ALDH3A1: variants seen among roughly 807,000 people sequenced by gnomAD.
The protein encoded by ALDH3A1 is aldehyde dehydrogenase, dimeric NADP-preferring.
Under a neutral mutation model 49.9 loss-of-function variants are expected in ALDH3A1, and 46 were observed. The observed-to-expected ratio is 0.92, with a 90% CI of 0.73 to 1.18. The LOEUF (loss-of-function observed/expected upper bound fraction) is 1.18, where lower values mean the gene tolerates loss of function less well. ALDH3A1 is among the 50% of genes most tolerant of loss of function. ALDH3A1 has a pLI of 0.00. For missense variants in ALDH3A1, 592 were observed against 611.8 expected (o/e 0.97, Z 0.34); for synonymous variants, 269 against 253.3 (o/e 1.06, Z -0.59).
chr17:19,742,154 C>T lies in ALDH3A1; in HGVS notation c.539G>A (p.Arg180Lys). Residue 180 changes from arginine to lysine, a missense_variant, in exon 5 of 11, where the codon AGG becomes AAG. Arg to Lys is a conservative substitution (Grantham distance 26, BLOSUM62 2). Coordinates refer to ENST00000225740, the MANE Select transcript of ALDH3A1 (RefSeq NM_000691.5). ...VPETTELLKERFDHILYTGST... is the reference protein window; with the variant it reads ...VPETTELLKEKFDHILYTGST... ...GCCCGTGTACAGGATATGGTCGAAC[C>T]TCTCCTTGAGCAGCTCCGTGGTCTC... is the stretch of plus-strand genomic sequence containing the variant. The T allele has an allele frequency of 6.2e-7, 1 of 1,614,096 alleles. No homozygotes were observed. Among genetic ancestry groups the T allele is most frequent in the Non-Finnish European group, 8.5e-7 (1 of 1,180,022 alleles).
chr17:19,742,480 C>A lies in ALDH3A1; in HGVS notation c.480+65G>T, dbSNP rs929179782. The A allele has an allele frequency of 9.5e-5, 146 of 1,541,518 alleles. 1 individual carries two copies. The highest frequency in any genetic ancestry group is 5.2e-4 in the Middle Eastern group (3 of 5,738). On this transcript the variant is annotated intron_variant, in intron 4 of 10. Transcript: ENST00000225740. ...GCAAGAATTCACTATTTCTCACCCCCCAAAGACCTGGCCCTAGCTCAGTTA... is the reference window on the plus strand; with the variant it reads ...GCAAGAATTCACTATTTCTCACCCCACAAAGACCTGGCCCTAGCTCAGTTA...
chr17:19,747,095 T>TCC (rs2086611142), intron 1 of ALDH3A1, among the ~76,000 whole-genome samples: 1 of 152,120 alleles, frequency 6.6e-6, no homozygotes, highest in Non-Finnish European at 1.5e-5. Context: ...ACTTTTAACA[T>TCC]CAGCAGAAAT....
Position 19,743,083 on chromosome 17 carries a change from A to G in ALDH3A1, c.394+149T>C. Reference sequence around the variant, plus strand: ...CCTCAGGCACCAAGAGGCCTGGCTAAACAGCTTGGTCCCCACAGCCTCCTG... The same window carrying G: ...CCTCAGGCACCAAGAGGCCTGGCTAGACAGCTTGGTCCCCACAGCCTCCTG... On this transcript the variant is annotated intron_variant, in intron 3 of 10. Transcript: ENST00000225740. The surrounding 1 kb of genome is among the most constrained non-coding windows in gnomAD (Gnocchi z 4.4). The G allele has an allele frequency of 1.3e-6, 2 of 1,535,160 alleles. No homozygotes were observed. Among genetic ancestry groups the G allele is most frequent in the Non-Finnish European group, 1.7e-6 (2 of 1,146,616 alleles).
At chr17:19,739,716 C>T (rs2086456737) in intron 7 of ALDH3A1, 42 bp from the exon 8 acceptor site, 1 of 1,603,044 alleles carries the variant, frequency 6.2e-7, no homozygotes, top group Admixed American at 1.7e-5. Flanking sequence ...CGCAGAGACC[C>T]CCACGCGGAT....
In ALDH3A1 at chr17:19,739,046, T is replaced by C. The variant is rs1163204671; in HGVS notation, c.1166A>G (p.Asn389Ser). 14 of 1,613,832 alleles carry C rather than the reference T, an allele frequency of 8.7e-6. No homozygotes were observed. The highest frequency in any genetic ancestry group is 9.3e-6 in the Non-Finnish European group (11 of 1,180,000). Residue 389 changes from asparagine (N) to serine (S), a missense_variant, in exon 9 of 11, where the codon AAC becomes AGC. Transcript: ENST00000225740. ...CAAGGTGATGTGGACGATGACATCG[T>C]TGGCCGCCACCCCACCACTGGATGT... is the stretch of plus-strand genomic sequence containing the variant. Reference protein sequence around the residue: ...AETSSGGVAANDVIVHITLHS... With the variant: ...AETSSGGVAASDVIVHITLHS...
At chr17:19,738,258 G>T in intron 10 of ALDH3A1, 23 bp from the exon 11 acceptor site, 3 of 1,614,038 alleles carry the variant, frequency 1.9e-6, no homozygotes, top group Non-Finnish European at 2.5e-6. Context: ...CACGGAGTGG[G>T]CAGTGATCCC....
intron 2 of ALDH3A1, 153 bp downstream of exon 2, chr17:19,744,815 G>C (rs527559266): frequency 3.7e-6 from 5 of 1,359,506 alleles, no homozygotes; most frequent in Non-Finnish European, 4.7e-6. Flanking sequence ...CGCGGCGGAG[G>C]GGAGGGCGGT....
At chr17:19,742,986 GC>G (rs1485021940) in intron 3 of ALDH3A1, 2 of 1,529,626 alleles carry the variant, frequency 1.3e-6, no homozygotes, top group East Asian at 5.0e-5. Context: ...AGAAGCTCCA[GC>G]CCCCCAACAG....
intron 5 of ALDH3A1, 35 bp from the exon 6 acceptor site, chr17:19,741,245 G>C: frequency 6.3e-7 from 1 of 1,590,482 alleles, no homozygotes; most frequent in Non-Finnish European, 8.6e-7. Flanking sequence ...AATCCAAAAG[G>C]TTCCCCAGGA....
chr17:19,746,624 C>CGTGT (rs375726934), intron 1 of ALDH3A1, among the ~76,000 whole-genome samples: 3,419 of 147,450 alleles, frequency 0.023, 63 homozygotes, highest in South Asian at 0.038. Context: ...TGTGTGTGTG[C>CGTGT]GTGTGTGTGT....
At chr17:19,741,494 C>G in intron 5 of ALDH3A1, 1 of 393,822 alleles carries the variant, frequency 2.5e-6, no homozygotes, top group Non-Finnish European at 4.7e-6. Flanking sequence ...GGTGTCACTG[C>G]TACTCGGGCC....
Position 19,739,088 on chromosome 17 carries a change from T to C in ALDH3A1, c.1124A>G (p.Lys375Arg). 2 of 1,613,368 alleles carry C rather than the reference T, an allele frequency of 1.2e-6. No individual in the cohort carries two copies. Among genetic ancestry groups the C allele is most frequent in the Non-Finnish European group, 1.7e-6 (2 of 1,179,888 alleles). The stretch of plus-strand genomic sequence containing the variant: ...ACTGGATGTCTCTGCAATCATCTTC[T>C]TAATCACCTGCACCAGGACCCAGCC... The part of the protein sequence containing the change: ...YMFSSNDKVI[K>R]KMIAETSSGG... The change falls in exon 9 of 11, where the codon AAG (lysine) becomes AGG (arginine). Residue 375 changes from lysine to arginine, a missense_variant. Coordinates refer to ENST00000225740, the MANE Select transcript of ALDH3A1 (RefSeq NM_000691.5).
rs770617828 is a variant in ALDH3A1, at chr17:19,742,223, A to C, written c.481-11T>G. On this transcript the variant is annotated splice_polypyrimidine_tract_variant and intron_variant, in intron 4 of 10. Transcript: ENST00000225740. ...TACTGGGTACAGATCCTTCCATGCAAGGAGAGAGGGGAGGCTCAGCAAAGA... is the reference window on the plus strand; with the variant it reads ...TACTGGGTACAGATCCTTCCATGCACGGAGAGAGGGGAGGCTCAGCAAAGA... The C allele has an allele frequency of 1.2e-6, 2 of 1,613,294 alleles. No individual in the cohort carries two copies. Among genetic ancestry groups the C allele is most frequent in the Non-Finnish European group, 1.7e-6 (2 of 1,179,432 alleles).
At chr17:19,740,996 T>C (rs2086480897) in intron 6 of ALDH3A1, 97 bp downstream of exon 6, 1 of 900,616 alleles carries the variant, frequency 1.1e-6, no homozygotes, top group Non-Finnish European at 1.8e-6. Context: ...AGAAAATAAA[T>C]CCAGTGTTTC....
At chr17:19,744,933 G>T in intron 2 of ALDH3A1, 35 bp downstream of exon 2, 1 of 345,426 alleles carries the variant, frequency 2.9e-6, no homozygotes, top group South Asian at 3.7e-5. Context: ...GCATGGCCCC[G>T]ACACTGGCAG....
chr17:19,744,844 C>G, intron 2 of ALDH3A1, 124 bp downstream of exon 2: 1 of 1,354,652 alleles, frequency 7.4e-7, no homozygotes, highest in Non-Finnish European at 9.5e-7. Flanking sequence ...TCTCCGCGAC[C>G]GAGGGGCCAG....
At chr17:19,746,626 T>C (rs1003623099) in intron 1 of ALDH3A1, among the ~76,000 whole-genome samples, 1 of 134,956 alleles carries the variant, frequency 7.4e-6, no homozygotes, top group African/African-American at 3.4e-5. Context: ...TGTGTGTGCG[T>C]GTGTGTGTGT....
At chr17:19,744,895 T>TGGCCCCCCCC in intron 2 of ALDH3A1, 73 bp downstream of exon 2, 2 of 924,176 alleles carry the variant, frequency 2.2e-6, no homozygotes, top group South Asian at 1.8e-5. Context: ...GGTCGCACTC[T>TGGCCCCCCCC]CCCCAGCCCC....
chr17:19,743,990 G>A lies in ALDH3A1; in HGVS notation c.163-527C>T, dbSNP rs1275063281. On this transcript the variant is annotated intron_variant, in intron 2 of 10. Transcript: ENST00000225740. The surrounding 1 kb of genome is among the most constrained non-coding windows in gnomAD (Gnocchi z 4.4). ...AGGAGATGCAGACGGCGGAAAACGC[G>A]TCTCTTTTATAAACTTGGGCTGTGA... 3.0e-6 allele frequency: 3 copies of A among 985,252 alleles called. No individual in the cohort carries two copies. 61.0% of individuals were successfully genotyped at this position (985,252 alleles called of 1,614,324 possible).
Sources: allele counts gnomAD v4.1 joint callset (sites outside exome capture counted in the v4.1 genomes callset), GRCh38; gene constraint gnomAD v4.1.1; non-coding constraint Gnocchi (gnomAD v3.1); transcripts MANE v1.5; gene names NCBI Gene and HGNC (gene_info 2026-07-23, HGNC 2026-07-21).